Variants in BBS7 observed in about 807,000 individuals in gnomAD.
BBS7 encodes the protein Bardet-Biedl syndrome 7, also known as BBSome complex member BBS7.
A neutral mutation model predicts 90.3 loss-of-function variants in BBS7; 50 were observed. The ratio of observed to expected loss-of-function variants is 0.55; its 90% CI spans 0.44 to 0.70. The LOEUF (loss-of-function observed/expected upper bound fraction) is 0.70, where lower values mean the gene tolerates loss of function less well. Among genes scored for constraint, BBS7 ranks in the 30% least tolerant of loss-of-function variants. The pLI, the probability that BBS7 is intolerant of heterozygous loss-of-function variation, is 0.00. For missense variants in BBS7, 729 were observed against 838.9 expected (o/e 0.87, Z 1.62); for synonymous variants, 235 against 287.4 (o/e 0.82, Z 1.85).
At position 121,859,012 on chromosome 4, in the gene BBS7, T is replaced by C. The variant is rs199891330; in HGVS notation, c.508A>G (p.Arg170Gly). 46 of 1,613,896 alleles carry C rather than the reference T, an allele frequency of 2.9e-5. No homozygotes were observed. The Admixed American group carries it at 7.2e-4, about 25-fold the overall frequency. The stretch of plus-strand genomic sequence containing the variant: ...GCAACCTGTAAAACTCTGAGCACTC[T>C]GTCCTGGCAGGCCAATACAGGTGTG... ...RITPVLACQD[R>G]VLRVLQGSDV... Residue 170 changes from arginine (R) to glycine (G), a missense_variant, in exon 5 of 19, where the codon AGA becomes GGA. By Grantham distance (125) the Arg-to-Gly change is moderately radical (BLOSUM62 -2). Coordinates refer to ENST00000264499, the MANE Select transcript of BBS7 (RefSeq NM_176824.3).
rs923682597 is a variant in BBS7 at position 121,825,770 on chromosome 4, T to G, written c.*90A>C. The stretch of plus-strand genomic sequence containing the variant: ...TTTAGATATAAAAAAGCATTTGAAA[T>G]TAAAGTACATACACAGTTAACTTCT... On this transcript the variant is annotated 3_prime_UTR_variant, in exon 19 of 19. Transcript: ENST00000264499. The G allele has an allele frequency of 5.3e-6, 7 of 1,315,806 alleles. No individual in the cohort carries two copies. The Admixed American group carries it at 1.1e-4, about 21-fold the overall frequency. 81.5% of individuals were successfully genotyped at this position (1,315,806 alleles called of 1,614,324 possible). A position where few individuals can be genotyped will look rare whatever the true frequency, so the allele number is the denominator to read the frequency against.
intron 8 of BBS7, among the ~76,000 whole-genome samples, chr4:121,849,832 T>A (rs1378749503): frequency 2.6e-5 from 4 of 151,652 alleles, no homozygotes; most frequent in African/African-American, 9.7e-5. Context: ...GTCTAAAAAA[T>A]AAAAATAAAA....
chr4:121,831,233 T>A (rs544606221), intron 15 of BBS7, among the ~76,000 whole-genome samples: 2 of 151,962 alleles, frequency 1.3e-5, no homozygotes, highest in South Asian at 4.1e-4. Flanking sequence ...AAATAAAAAA[T>A]TATTATATAC....
chr4:121,870,255 C>T (rs1727513317), intron 1 of BBS7, 23 bp downstream of exon 1: 1 of 1,614,094 alleles, frequency 6.2e-7, no homozygotes, highest in Non-Finnish European at 8.5e-7. Flanking sequence ...CAGCGCGGCG[C>T]CCGCCCTATC....
At chr4:121,850,828 G>A (rs761055004) in intron 8 of BBS7, among the ~76,000 whole-genome samples, 2 of 152,086 alleles carry the variant, frequency 1.3e-5, no homozygotes, top group Admixed American at 1.3e-4. Context: ...ACCCTATGGG[G>A]GCAAACCTCT....
At chr4:121,827,938 C>G (rs776767414) in intron 18 of BBS7, 20 of 1,348,890 alleles carry the variant, frequency 1.5e-5, no homozygotes, top group Non-Finnish European at 1.8e-5. Flanking sequence ...TGCATTTTAT[C>G]AAGTAAAAGA....
intron 8 of BBS7, among the ~76,000 whole-genome samples, chr4:121,852,076 T>G (rs919355728): frequency 6.6e-6 from 1 of 152,234 alleles, no homozygotes. Context: ...GCAGGATGAC[T>G]TTTTACACCA....
chr4:121,826,532 T>C (rs1055577266), intron 18 of BBS7, among the ~76,000 whole-genome samples: 1 of 152,222 alleles, frequency 6.6e-6, no homozygotes, highest in Non-Finnish European at 1.5e-5. Context: ...TGATGCAAGA[T>C]GTATTTCAGA....
At chr4:121,835,414 A>T in intron 13 of BBS7, 131 bp from the exon 14 acceptor site, 1 of 1,059,118 alleles carries the variant, frequency 9.4e-7, no homozygotes, top group Non-Finnish European at 1.4e-6. Context: ...GAGGAGTTGG[A>T]AAGCTGTCCA....
chr4:121,827,839 T>C (rs1724980141), intron 18 of BBS7: 2 of 1,025,302 alleles, frequency 2.0e-6, no homozygotes, highest in Non-Finnish European at 1.2e-6. Context: ...GTCTAAGCTC[T>C]AAAGGTTCAT....
rs551981711 is a variant in BBS7, at chr4:121,848,190, T to C, written c.934+654A>G. 2.0e-5 allele frequency among the ~76,000 whole-genome samples: 3 copies of C among 152,332 alleles called. No homozygotes were observed. In the South Asian group the frequency reaches 6.2e-4, roughly 32 times the overall value. On this transcript the variant is annotated intron_variant, in intron 9 of 18. Coordinates refer to ENST00000264499, the MANE Select transcript of BBS7 (RefSeq NM_176824.3). ...GCTGTAAGTAAGAGTGATTGACTAA[T>C]ACAGCAGCCTCCCCTTATCCACGAT... is the stretch of plus-strand genomic sequence containing the variant.
chr4:121,830,280 A>G (rs1173365343), intron 15 of BBS7, among the ~76,000 whole-genome samples: 2 of 152,128 alleles, frequency 1.3e-5, no homozygotes, highest in Non-Finnish European at 1.5e-5. Context: ...ACACTCCTAA[A>G]ATTCCAGCTA....
chr4:121,832,381 T>C (rs1447242158), intron 15 of BBS7, among the ~76,000 whole-genome samples: 1 of 151,834 alleles, frequency 6.6e-6, no homozygotes, highest in Admixed American at 6.6e-5. Context: ...AAAAACAACC[T>C]ACAGATGTGA....
intron 3 of BBS7, 142 bp from the exon 4 acceptor site, chr4:121,861,821 T>C (rs1173930256): frequency 8.6e-6 from 7 of 812,556 alleles, no homozygotes; most frequent in Non-Finnish European, 9.7e-6. Flanking sequence ...TAATAATCTA[T>C]ATACTTCAGC....
At chr4:121,852,890 A>G in intron 8 of BBS7, 66 bp downstream of exon 8, 1 of 1,501,996 alleles carries the variant, frequency 6.7e-7, no homozygotes, top group South Asian at 1.2e-5. Context: ...ATAAAATTCA[A>G]ACCATCTGTC....
At position 121,835,265 on chromosome 4, in the gene BBS7, G is replaced by A; in HGVS notation, c.1390C>T (p.Gln464Ter). The A allele has an allele frequency of 6.2e-7, 1 of 1,613,680 alleles. No individual in the cohort carries two copies. Among genetic ancestry groups the A allele is most frequent in the Non-Finnish European group, 8.5e-7 (1 of 1,179,772 alleles). Reference protein sequence around the residue: ...LELKIRSIEGQYGTLQAYVTP... With the variant: ...LELKIRSIEG ...ACATATGCTTGTAGTGTGCCATACT[G>A]GCCTTCAATTGAGCGAATCTGATTC... Residue 464 changes from glutamine (Q) to a stop codon, truncating the protein, a stop_gained, in exon 14 of 19, where the codon CAG (glutamine) becomes TAG (stop). Transcript: ENST00000264499. LOFTEE classifies it high-confidence loss of function.
intron 6 of BBS7, 50 bp from the exon 7 acceptor site, chr4:121,854,870 C>A (rs760352704): frequency 1.1e-5 from 16 of 1,508,906 alleles, no homozygotes; most frequent in Admixed American, 6.8e-5. Flanking sequence ...AATTAGTAAT[C>A]TCTTTAAAAT....
chr4:121,867,924 G>C, intron 2 of BBS7, 57 bp downstream of exon 2: 1 of 1,362,552 alleles, frequency 7.3e-7, no homozygotes, highest in South Asian at 1.2e-5. Flanking sequence ...AAGGAAATAG[G>C]AGCCTCTCCT....
chr4:121,842,251 C>CAAA (rs1270788731), intron 12 of BBS7, among the ~76,000 whole-genome samples: 1 of 66,628 alleles, frequency 1.5e-5, no homozygotes, highest in Non-Finnish European at 3.5e-5. Context: ...GACTCCATCT[C>CAAA]AAAAAAAAAA....
Sources: gnomAD v4.1 joint callset for allele counts (sites outside exome capture counted in the v4.1 genomes callset) on GRCh38, gnomAD v4.1.1 for gene constraint, MANE v1.5 for transcripts, NCBI Gene and HGNC (gene_info 2026-07-23, HGNC 2026-07-21) for gene names.